The following CACNA2D3 variants were observed in gnomAD, a reference collection of about 807,000 sequenced individuals.
CACNA2D3 encodes the protein voltage-dependent calcium channel subunit alpha-2/delta-3.
In CACNA2D3, 60 loss-of-function variants were observed where a neutral mutation model predicts 160.6. The observed-to-expected ratio is 0.37, with a 90% CI of 0.30 to 0.46. The LOEUF is 0.46. CACNA2D3 is among the 20% of genes least tolerant of loss of function. The probability of loss-of-function intolerance (pLI) is 1.00; values close to 1 mark genes in which losing one functional copy is unlikely to be tolerated. For synonymous variants in CACNA2D3, 558 were observed against 492.9 expected (o/e 1.13, Z -1.75); for missense variants, 1,205 against 1,365.0 (o/e 0.88, Z 1.85).
intron 2 of CACNA2D3, among the ~76,000 whole-genome samples, chr3:54,187,930 G>T (rs1576987158): frequency 1.3e-5 from 2 of 152,090 alleles, no homozygotes; most frequent in African/African-American, 4.8e-5. Flanking sequence ...GTGGTCCGTG[G>T]TCCGGGGGTT....
chr3:54,944,953 G>A (rs946192833), intron 27 of CACNA2D3, among the ~76,000 whole-genome samples: 1 of 152,066 alleles, frequency 6.6e-6, no homozygotes, highest in Non-Finnish European at 1.5e-5. Context: ...TAAGAGTGAG[G>A]CACTAAAATG....
At chr3:54,409,129 T>A (rs1438229851) in intron 4 of CACNA2D3, among the ~76,000 whole-genome samples, 1 of 152,220 alleles carries the variant, frequency 6.6e-6, no homozygotes, top group Non-Finnish European at 1.5e-5. Context: ...AAATTAAAGC[T>A]TTATAGCAAC....
chr3:54,144,400 A>G (rs1699988586), intron 2 of CACNA2D3, among the ~76,000 whole-genome samples: 1 of 152,212 alleles, frequency 6.6e-6, no homozygotes, highest in African/African-American at 2.4e-5. Context: ...CATCCTCATA[A>G]GGGGATTCAC....
chr3:54,675,138 G>A (rs1306889176), intron 11 of CACNA2D3, among the ~76,000 whole-genome samples: 1 of 152,134 alleles, frequency 6.6e-6, no homozygotes, highest in Non-Finnish European at 1.5e-5. Flanking sequence ...GCAATACCTA[G>A]CAGAGAAGAT....
chr3:54,891,220 TG>T, intron 24 of CACNA2D3, 134 bp from the exon 25 acceptor site: 1 of 621,632 alleles, frequency 1.6e-6, no homozygotes, highest in Non-Finnish European at 2.9e-6. Flanking sequence ...TGTGTGTGTG[TG>T]TTTCTGTATC....
intron 2 of CACNA2D3, among the ~76,000 whole-genome samples, chr3:54,212,479 T>C (rs1372877547): frequency 6.6e-6 from 1 of 152,198 alleles, no homozygotes; most frequent in Non-Finnish European, 1.5e-5. Context: ...TAAGGGGTTG[T>C]GGAGAACAAA....
At chr3:54,683,527 G>T (rs1204279725) in intron 11 of CACNA2D3, among the ~76,000 whole-genome samples, 1 of 152,090 alleles carries the variant, frequency 6.6e-6, no homozygotes, top group Non-Finnish European at 1.5e-5. Flanking sequence ...ACTATAAAAT[G>T]GAAATTACCA....
intron 13 of CACNA2D3, among the ~76,000 whole-genome samples, chr3:54,806,034 G>T (rs1030581894): frequency 6.6e-6 from 1 of 152,068 alleles, no homozygotes; most frequent in Non-Finnish European, 1.5e-5. Flanking sequence ...AATAAATTAG[G>T]TATTGATGAG....
At chr3:54,498,274 G>A (rs1490204788) in intron 4 of CACNA2D3, among the ~76,000 whole-genome samples, 2 of 151,572 alleles carry the variant, frequency 1.3e-5, no homozygotes, top group African/African-American at 4.8e-5. Context: ...TATTTCTAGG[G>A]CCAGTTATAT....
At chr3:54,215,580 C>T (rs1220971546) in intron 2 of CACNA2D3, among the ~76,000 whole-genome samples, 1 of 152,078 alleles carries the variant, frequency 6.6e-6, no homozygotes, top group Non-Finnish European at 1.5e-5. Flanking sequence ...GTTTGCCATG[C>T]ATTGCCCAGG....
At chr3:54,424,600 A>G (rs1052596859) in intron 4 of CACNA2D3, among the ~76,000 whole-genome samples, 1 of 152,132 alleles carries the variant, frequency 6.6e-6, no homozygotes, top group Non-Finnish European at 1.5e-5. Context: ...CATTCCAGTC[A>G]GATGCTGAGC....
intron 3 of CACNA2D3, among the ~76,000 whole-genome samples, chr3:54,326,599 C>G (rs988151249): frequency 6.6e-6 from 1 of 152,140 alleles, no homozygotes; most frequent in Non-Finnish European, 1.5e-5. Context: ...ATAATTGATT[C>G]CGTTTATCCA....
chr3:54,592,533 ACT>A (rs1010541060), intron 9 of CACNA2D3, among the ~76,000 whole-genome samples: 4 of 151,846 alleles, frequency 2.6e-5, no homozygotes, highest in African/African-American at 9.7e-5. Context: ...AAATGAGAAA[ACT>A]CTCATCCTAA....
At chr3:54,199,738 T>C (rs1701144767) in intron 2 of CACNA2D3, among the ~76,000 whole-genome samples, 1 of 152,216 alleles carries the variant, frequency 6.6e-6, no homozygotes, top group Non-Finnish European at 1.5e-5. Flanking sequence ...TTGTTAAAAA[T>C]AGTATTTTGT....
chr3:54,669,181 C>T (rs1226893398), intron 11 of CACNA2D3, among the ~76,000 whole-genome samples: 1 of 152,172 alleles, frequency 6.6e-6, no homozygotes, highest in African/African-American at 2.4e-5. Flanking sequence ...GGGCCCCATG[C>T]TTGGCTTAAT....
chr3:54,444,973 C>T (rs539726186), intron 4 of CACNA2D3, among the ~76,000 whole-genome samples: 2 of 152,362 alleles, frequency 1.3e-5, no homozygotes, highest in South Asian at 2.1e-4. Context: ...CCTCTCCCAA[C>T]CCCCTTAAAC....
At chr3:54,723,005 C>T (rs644714) in intron 11 of CACNA2D3, among the ~76,000 whole-genome samples, 62,826 of 152,124 alleles carry the variant, frequency 0.41, 14,018 homozygotes, top group East Asian at 0.5. Flanking sequence ...GCCGCCCCCT[C>T]CGCCAGGTAC....
At chr3:54,514,358 A>G (rs1701509995) in intron 5 of CACNA2D3, among the ~76,000 whole-genome samples, 1 of 152,212 alleles carries the variant, frequency 6.6e-6, no homozygotes, top group Non-Finnish European at 1.5e-5. Context: ...AGTTCACTGC[A>G]GTGTGTTTAG....
intron 11 of CACNA2D3, among the ~76,000 whole-genome samples, chr3:54,707,256 G>A (rs1700874150): frequency 6.6e-6 from 1 of 152,140 alleles, no homozygotes; most frequent in African/African-American, 2.4e-5. Flanking sequence ...TAGTTCTAAG[G>A]GTCATTCTTG....
Sources: gnomAD v4.1 joint callset for allele counts (sites outside exome capture counted in the v4.1 genomes callset) on GRCh38, gnomAD v4.1.1 for gene constraint, MANE v1.5 for transcripts, NCBI Gene and HGNC (gene_info 2026-07-23, HGNC 2026-07-21) for gene names.